Variants in SNX25 observed in about 807,000 individuals in gnomAD.
The protein encoded by SNX25 is sorting nexin 25.
In SNX25, 62 loss-of-function variants were observed where a neutral mutation model predicts 113.7. That is an observed-to-expected ratio of 0.55 (90% CI 0.44 to 0.67). The LOEUF is 0.67. Ranked by LOEUF, SNX25 falls within the 30% of genes least tolerant of loss-of-function variation. The pLI is 0.00. For synonymous variants in SNX25, 421 were observed against 436.2 expected (o/e 0.97, Z 0.43); for missense variants, 1,014 against 1,161.0 (o/e 0.87, Z 1.84).
intron 6 of SNX25, among the ~76,000 whole-genome samples, chr4:185,306,243 C>T (rs560208546): frequency 3.9e-5 from 6 of 152,328 alleles, no homozygotes; most frequent in African/African-American, 1.2e-4. Flanking sequence ...ATGAGCTCCA[C>T]GTTAGTCATT....
chr4:185,353,734 A>G lies in SNX25; in HGVS notation c.2584+132A>G, dbSNP rs1433126888. 3 of 823,266 alleles carry G rather than the reference A, an allele frequency of 3.6e-6. No individual in the cohort carries two copies. The East Asian group carries it at 7.5e-5, about 20-fold the overall frequency. 51.0% of individuals were successfully genotyped at this position (823,266 alleles called of 1,614,324 possible). A position where few individuals can be genotyped will look rare whatever the true frequency, so the allele number is the denominator to read the frequency against. On this transcript the variant is annotated intron_variant, in intron 15 of 18. Coordinates refer to ENST00000652585, the MANE Select transcript of SNX25 (RefSeq NM_001378034.2). ...TGTATTTATATTCATGCATCCATTC[A>G]TTCAACATAGCCTTTTAAGAGCCAA...
chr4:185,229,869 C>G (rs1371890574), intron 1 of SNX25, among the ~76,000 whole-genome samples: 3 of 152,198 alleles, frequency 2.0e-5, no homozygotes, highest in Non-Finnish European at 4.4e-5. Context: ...ACTCCTGTCA[C>G]CCAGGCTGGA....
At chr4:185,283,736 A>G (rs752313916) in intron 5 of SNX25, among the ~76,000 whole-genome samples, 2 of 152,212 alleles carry the variant, frequency 1.3e-5, no homozygotes, top group Admixed American at 6.5e-5. Flanking sequence ...AATCATCTGA[A>G]TTCTAATTTC....
At chr4:185,209,256 T>C (rs1172848804), upstream of SNX25, 1 of 152,214 alleles carries the variant, frequency 6.6e-6, no homozygotes, top group Non-Finnish European at 1.5e-5. This position sits in a 1 kb window ranked among gnomAD's most constrained non-coding sequence, Gnocchi z 5.2. Flanking sequence ...CAGAAATGTT[T>C]GCCGGCTGTA....
rs1244181263 is a variant in SNX25, at chr4:185,267,144, G to T, written c.1080G>T (p.Leu360Phe). 8 of 1,612,726 alleles carry T rather than the reference G, an allele frequency of 5.0e-6. No homozygotes were observed. In the East Asian group the frequency reaches 1.8e-4, roughly 36 times the overall value. ...ACAGCAACTCTGATGTGGAGTTCTT[G>T]AAGCAACTAAGGTATTTGGTCTTCA... ...LINSNSDVEF[L>F]KQLRYQIVVE... The change falls in exon 5 of 19, where the codon TTG (leucine) becomes TTT (phenylalanine). Residue 360 changes from leucine to phenylalanine, a missense_variant. Transcript: ENST00000652585.
intron 1 of SNX25, among the ~76,000 whole-genome samples, chr4:185,221,744 T>C (rs1242127257): frequency 6.6e-6 from 1 of 151,952 alleles, no homozygotes; most frequent in Non-Finnish European, 1.5e-5. Flanking sequence ...CCACCCTCAG[T>C]CCTCATAGTG....
At chr4:185,209,160 G>T (rs1314309808), upstream of SNX25, among the ~76,000 whole-genome samples, 1 of 152,184 alleles carries the variant, frequency 6.6e-6, no homozygotes. The surrounding 1 kb of genome is among the most constrained non-coding windows in gnomAD (Gnocchi z 5.2). Flanking sequence ...CCCTAAGGCG[G>T]CAGGGTGGGA....
chr4:185,343,966 C>G (rs1379935445), intron 12 of SNX25, among the ~76,000 whole-genome samples: 1 of 152,158 alleles, frequency 6.6e-6, no homozygotes, highest in Non-Finnish European at 1.5e-5. Context: ...CGCCTGTAAT[C>G]CCAGCACTTT....
At chr4:185,375,718 A>T in the SNX25 span, 1 of 1,598,878 alleles carries the variant, frequency 6.3e-7, no homozygotes. Context: ...ATGCTTCTTC[A>T]TACCATCCCT....
At chr4:185,356,458 C>T (rs1313286903) in intron 15 of SNX25, among the ~76,000 whole-genome samples, 3 of 152,146 alleles carry the variant, frequency 2.0e-5, no homozygotes, top group African/African-American at 7.2e-5. Flanking sequence ...CAATGCCAAC[C>T]TAAAATGAAC....
chr4:185,266,265 CT>C (rs1193623351), intron 4 of SNX25, among the ~76,000 whole-genome samples: 1 of 152,126 alleles, frequency 6.6e-6, no homozygotes, highest in Admixed American at 6.6e-5. Context: ...AGAATGTTGA[CT>C]TTCATCCTTT....
chr4:185,335,783 G>A (rs1043211095), intron 10 of SNX25, among the ~76,000 whole-genome samples: 1 of 152,168 alleles, frequency 6.6e-6, no homozygotes, highest in African/African-American at 2.4e-5. Flanking sequence ...GTAAATGCAT[G>A]GTGCTGTGCG....
chr4:185,261,469 C>T (rs1203158611), intron 3 of SNX25, among the ~76,000 whole-genome samples: 2 of 152,084 alleles, frequency 1.3e-5, no homozygotes, highest in Non-Finnish European at 2.9e-5. Flanking sequence ...CCACTGTGCC[C>T]GGCTTGAGGA....
rs981716274 is a variant in SNX25 at position 185,363,240 on chromosome 4, A to G, written c.2935-145A>G. The G allele has an allele frequency of 2.9e-6, 2 of 684,044 alleles. No homozygotes were observed. Among genetic ancestry groups the G allele is most frequent in the Admixed American group, 2.8e-5 (1 of 35,284 alleles). 42.4% of individuals were successfully genotyped at this position (684,044 alleles called of 1,614,324 possible). ...CAGTCATCTCTGATTATAGTTACCAATATTAAATACTGTTTGAGAGTTACT... is the reference window on the plus strand; with the variant it reads ...CAGTCATCTCTGATTATAGTTACCAGTATTAAATACTGTTTGAGAGTTACT... On this transcript the variant is annotated intron_variant, in intron 18 of 18. Coordinates refer to ENST00000652585, the MANE Select transcript of SNX25 (RefSeq NM_001378034.2). This position sits in a 1 kb window ranked among gnomAD's most constrained non-coding sequence, Gnocchi z 4.2.
intron 5 of SNX25, among the ~76,000 whole-genome samples, chr4:185,270,022 T>C (rs1748688978): frequency 6.6e-6 from 1 of 151,230 alleles, no homozygotes; most frequent in Non-Finnish European, 1.5e-5. Context: ...CAGCCAAAGA[T>C]TCAGAACTAT....
In SNX25 at chr4:185,362,086, G is replaced by A; in HGVS notation, c.2814G>A (p.Lys938=). Residue 938 remains lysine (K), a synonymous_variant, in exon 17 of 19, where the codon AAG becomes AAA. Coordinates refer to ENST00000652585, the MANE Select transcript of SNX25 (RefSeq NM_001378034.2). ...SQETKQRAQQ[K]LLENIPDMLQ... ...AAACAAAACAGAGAGCACAGCAAAA[G>A]CTGCTTGAAAACATTCCAGGTGAGG... is the stretch of plus-strand genomic sequence containing the variant. 1.2e-6 allele frequency: 2 copies of A among 1,613,292 alleles called. No homozygotes were observed. Among genetic ancestry groups the A allele is most frequent in the Non-Finnish European group, 1.7e-6 (2 of 1,179,512 alleles).
At chr4:185,366,877 T>G (rs748071461), downstream of SNX25, 18 of 200,502 alleles carry the variant, frequency 9.0e-5, no homozygotes, top group Non-Finnish European at 1.4e-4. Context: ...GGAGACTCGG[T>G]GTTTAAGAAA....
Position 185,351,546 on chromosome 4 carries a change from A to T in SNX25, c.2403A>T (p.Lys801Asn). The T allele has an allele frequency of 6.2e-7, 1 of 1,614,178 alleles. No individual in the cohort carries two copies. Among genetic ancestry groups the T allele is most frequent in the Non-Finnish European group, 8.5e-7 (1 of 1,180,036 alleles). Residue 801 changes from lysine (K) to asparagine (N), a missense_variant, in exon 14 of 19, where the codon AAA (lysine) becomes AAT (asparagine). Physicochemically the swap from Lys to Asn is moderately conservative, Grantham distance 94. Transcript: ENST00000652585. The part of the protein sequence containing the change: ...YLKVIDVQGK[K>N]NSFSLSSFLE... ...AGGTTATCGACGTGCAGGGGAAAAAAAATTCTTTTTCATTATCCTCATTTT... is the reference window on the plus strand; with the variant it reads ...AGGTTATCGACGTGCAGGGGAAAAATAATTCTTTTTCATTATCCTCATTTT...
chr4:185,211,627 TGA>T (rs1425747556), intron 1 of SNX25, among the ~76,000 whole-genome samples: 2 of 152,192 alleles, frequency 1.3e-5, no homozygotes, highest in Admixed American at 6.5e-5. Flanking sequence ...TTTTGGAAGC[TGA>T]GTTTGAATCA....
Sources: allele counts gnomAD v4.1 joint callset (sites outside exome capture counted in the v4.1 genomes callset), GRCh38; gene constraint gnomAD v4.1.1; non-coding constraint Gnocchi (gnomAD v3.1); transcripts MANE v1.5; gene names NCBI Gene and HGNC (gene_info 2026-07-23, HGNC 2026-07-21).